The following WDFY4 variants were observed in gnomAD, a reference collection of about 807,000 sequenced individuals.
WDFY4 encodes WD repeat- and FYVE domain-containing protein 4.
In WDFY4, 169 loss-of-function variants were observed where a neutral mutation model predicts 351.9. The ratio of observed to expected loss-of-function variants is 0.48; its 90% CI spans 0.42 to 0.55. WDFY4 has a LOEUF of 0.55. Ranked by LOEUF, WDFY4 falls within the 20% of genes least tolerant of loss-of-function variation. The pLI, the probability that WDFY4 is intolerant of heterozygous loss-of-function variation, is 0.00. For missense variants in WDFY4, 3,803 were observed against 3,935.6 expected, an observed-to-expected ratio of 0.97 and a Z score of 0.90; for synonymous variants, 1,622 against 1,574.6, an observed-to-expected ratio of 1.03 and a Z score of -0.71.
At chr10:48,910,390 G>A in intron 47 of WDFY4, 1 of 768,340 alleles carries the variant, frequency 1.3e-6, no homozygotes, top group Admixed American at 1.9e-5. Context: ...TGTGAATGGG[G>A]GTTTTGTTGT....
chr10:48,882,098 C>T (rs1275923260), intron 43 of WDFY4, among the ~76,000 whole-genome samples: 1 of 152,206 alleles, frequency 6.6e-6, no homozygotes, highest in Non-Finnish European at 1.5e-5. Context: ...CAGCAGGAAT[C>T]AGGAGGTCCT....
chr10:48,693,353 G>A (rs1268333841), intron 1 of WDFY4, among the ~76,000 whole-genome samples: 1 of 152,152 alleles, frequency 6.6e-6, no homozygotes, highest in African/African-American at 2.4e-5. Context: ...TTGGTGCCGG[G>A]CCCACTCTGG....
At chr10:48,820,909 A>T (rs1189315573) in intron 33 of WDFY4, among the ~76,000 whole-genome samples, 153 bp from the exon 34 acceptor site, 1 of 151,914 alleles carries the variant, frequency 6.6e-6, no homozygotes, top group Non-Finnish European at 1.5e-5. Flanking sequence ...GCTCAGTCAC[A>T]GAGGGTGGGC....
rs1030175176 is a variant in WDFY4, at chr10:48,966,641, A to T, written c.8552A>T (p.Gln2851Leu). ...CCACAGCCCTTTTTCTACAGCCTGC[A>T]GTCGCTGAGGCCCTCCCAGGTCACG... ...GHPQPFFYSL[Q>L]SLRPSQVTVK... Residue 2851 changes from glutamine to leucine, a missense_variant, in exon 55 of 62, where the codon CAG (glutamine) becomes CTG (leucine). Gln to Leu is a moderately radical substitution (Grantham distance 113). Coordinates refer to ENST00000325239, the MANE Select transcript of WDFY4 (RefSeq NM_001394531.1). The T allele has an allele frequency of 1.3e-6, 2 of 1,551,692 alleles. No homozygotes were observed. Among genetic ancestry groups the T allele is most frequent in the Non-Finnish European group, 1.7e-6 (2 of 1,147,020 alleles).
chr10:48,787,679 A>G (rs2066447972), intron 20 of WDFY4, among the ~76,000 whole-genome samples: 3 of 152,132 alleles, frequency 2.0e-5, no homozygotes, highest in Non-Finnish European at 2.9e-5. Context: ...GAGGTTATAT[A>G]CTTTACAGAT....
intron 47 of WDFY4, among the ~76,000 whole-genome samples, chr10:48,937,341 C>T (rs1315551058): frequency 1.3e-5 from 2 of 152,176 alleles, no homozygotes; most frequent in African/African-American, 4.8e-5. Context: ...GCATTTCATA[C>T]ATTTGGATGA....
intron 39 of WDFY4, among the ~76,000 whole-genome samples, chr10:48,838,824 T>A (rs7082553): frequency 0.03 from 4,610 of 152,282 alleles, 243 homozygotes; most frequent in African/African-American, 0.1. Flanking sequence ...AAATAAAGAT[T>A]GCAGAGAGGA....
chr10:48,923,671 T>C (rs1006347889), intron 47 of WDFY4, among the ~76,000 whole-genome samples: 7 of 151,884 alleles, frequency 4.6e-5, no homozygotes, highest in African/African-American at 1.7e-4. Context: ...GTGCCTACCA[T>C]TTATCAACCC....
chr10:48,982,365 C>T, intron 61 of WDFY4, 144 bp from the exon 62 acceptor site: 1 of 595,720 alleles, frequency 1.7e-6, no homozygotes, highest in Non-Finnish European at 2.8e-6. Flanking sequence ...CCTCCCACTG[C>T]CTCCCCTGCC....
rs748413491 is a variant in WDFY4 at position 48,788,536 on chromosome 10, A to G, written c.3815A>G (p.Asp1272Gly). Reference sequence around the variant, plus strand: ...TAAAGATGTGTTGTTACAGGGGAGGACCTGGACAGTGAAGCCACGCCCTTT... The same window carrying G: ...TAAAGATGTGTTGTTACAGGGGAGGGCCTGGACAGTGAAGCCACGCCCTTT... Reference protein sequence around the residue: ...NFQAVHVQGEDLDSEATPFVA... With the variant: ...NFQAVHVQGEGLDSEATPFVA... The change falls in exon 21 of 62, where the codon GAC becomes GGC. Residue 1272 changes from aspartate (D) to glycine (G), a missense_variant. Coordinates refer to ENST00000325239, the MANE Select transcript of WDFY4 (RefSeq NM_001394531.1). 12 of 1,552,060 alleles carry G rather than the reference A, an allele frequency of 7.7e-6. No homozygotes were observed. The highest frequency in any genetic ancestry group is 1.0e-5 in the Non-Finnish European group (12 of 1,147,042).
intron 51 of WDFY4, among the ~76,000 whole-genome samples, chr10:48,948,744 G>T (rs1301069051): frequency 6.6e-6 from 1 of 152,224 alleles, no homozygotes; most frequent in Admixed American, 6.5e-5. Context: ...CCCAGCTCAA[G>T]GCTTGATGCT....
rs1179114799 is a variant in WDFY4 at position 48,787,894 on chromosome 10, C to T, written c.3809-636C>T. ...TTCTTCTTTCTTTCTTCTTCTTCTC[C>T]TTCTTCTTCTTCTTCTTCTTCTTCT... On this transcript the variant is annotated intron_variant, in intron 20 of 61. Transcript: ENST00000325239. Among the ~76,000 whole-genome samples, 262 of 28,888 alleles carry T rather than the reference C, an allele frequency of 9.1e-3. 13 individuals are homozygous for T. The highest frequency in any genetic ancestry group is 0.027 in the East Asian group (34 of 1,266). The allele number at this position is 28,888 out of a possible 152,430, so 19.0% of individuals were successfully genotyped here.
chr10:48,821,613 T>C (rs574469358), intron 34 of WDFY4, among the ~76,000 whole-genome samples: 3 of 152,194 alleles, frequency 2.0e-5, no homozygotes, highest in South Asian at 2.1e-4. Flanking sequence ...AGCTTAAAAT[T>C]GAAGGTTCAT....
chr10:48,949,708 A>G (rs1020267817), intron 51 of WDFY4, among the ~76,000 whole-genome samples: 1 of 152,174 alleles, frequency 6.6e-6, no homozygotes, highest in African/African-American at 2.4e-5. Context: ...AAGAGTCAGC[A>G]TGGGAGAGCA....
In WDFY4 at chr10:48,877,120, A is replaced by G. The variant is rs990054432; in HGVS notation, c.7088A>G (p.Glu2363Gly). Residue 2363 changes from glutamate to glycine, a missense_variant, in exon 43 of 62, where the codon GAA becomes GGA. Physicochemically the swap from Glu to Gly is moderately conservative, Grantham distance 98 (BLOSUM62 -2). Around this residue, in one of 3 missense-constraint regions of WDFY4, gnomAD observed 3,054 missense variants for 3,148.6 expected, o/e 0.97. Transcript: ENST00000325239. ...TQLTFFPALH[E>G]SLHSEDFLEL... ...CTGACCTTCTTCCCAGCCTTACACG[A>G]AAGTCTGCACTCAGAAGACTTCTTG... 6.5e-7 allele frequency: 1 copy of G among 1,550,282 alleles called. No individual in the cohort carries two copies. Among genetic ancestry groups the G allele is most frequent in the Non-Finnish European group, 8.7e-7 (1 of 1,146,416 alleles).
At position 48,821,160 on chromosome 10, in the gene WDFY4, T is replaced by C. The variant is rs928225975; in HGVS notation, c.5808T>C (p.Asp1936=). ...MELFHMTSGG[D]AAMFRDGKEP... is the part of the protein sequence containing the mutation. ...TATTCCACATGACAAGTGGAGGTGATGCAGCGATGTTCAGAGGTGAGTGGG... is the reference window on the plus strand; with the variant it reads ...TATTCCACATGACAAGTGGAGGTGACGCAGCGATGTTCAGAGGTGAGTGGG... Residue 1936 remains aspartate, a synonymous_variant, in exon 34 of 62, where the codon GAT becomes GAC. Coordinates refer to ENST00000325239, the MANE Select transcript of WDFY4 (RefSeq NM_001394531.1). The C allele has an allele frequency of 1.9e-6, 3 of 1,551,456 alleles. No homozygotes were observed. Among genetic ancestry groups the C allele is most frequent in the Non-Finnish European group, 1.7e-6 (2 of 1,146,868 alleles).
intron 34 of WDFY4, among the ~76,000 whole-genome samples, chr10:48,821,684 C>G (rs1004873669): frequency 1.3e-5 from 2 of 152,246 alleles, no homozygotes; most frequent in Non-Finnish European, 2.9e-5. Context: ...AAAGCCTTTT[C>G]TGTGGTTCCC....
At chr10:48,753,768 T>C (rs1301427565) in intron 12 of WDFY4, among the ~76,000 whole-genome samples, 2 of 152,238 alleles carry the variant, frequency 1.3e-5, no homozygotes, top group Non-Finnish European at 2.9e-5. Context: ...TTGTAGTAGG[T>C]TTTGAACTCT....
At chr10:48,791,175 T>A (rs191791191) in intron 23 of WDFY4, among the ~76,000 whole-genome samples, 30 of 152,360 alleles carry the variant, frequency 2.0e-4, no homozygotes, top group Non-Finnish European at 3.5e-4. Flanking sequence ...CAAATTCTAA[T>A]GTCATTTGTG....
Sources: allele counts gnomAD v4.1 joint callset (sites outside exome capture counted in the v4.1 genomes callset), GRCh38; gene constraint gnomAD v4.1.1; regional missense constraint gnomAD v4.1.1; transcripts MANE v1.5; gene names NCBI Gene and HGNC (gene_info 2026-07-23, HGNC 2026-07-21).